GALNTL6: variants seen among roughly 807,000 people sequenced by gnomAD.
The protein encoded by GALNTL6 is polypeptide N-acetylgalactosaminyltransferase like 6, also known as polypeptide N-acetylgalactosaminyltransferase-like 6.
Under a neutral mutation model 73.7 loss-of-function variants are expected in GALNTL6, and 46 were observed. The ratio of observed to expected loss-of-function variants is 0.62; its 90% CI spans 0.49 to 0.80. The LOEUF is 0.80. GALNTL6 is among the 30% of genes least tolerant of loss of function. The pLI, the probability that GALNTL6 is intolerant of heterozygous loss-of-function variation, is 0.00. For synonymous variants in GALNTL6, 259 were observed against 263.7 expected, an observed-to-expected ratio of 0.98 and a Z score of 0.17; for missense variants, 604 against 755.0, an observed-to-expected ratio of 0.80 and a Z score of 2.34.
intron 5 of GALNTL6, among the ~76,000 whole-genome samples, chr4:172,712,062 AT>A (rs1418822523): frequency 2.6e-5 from 4 of 152,158 alleles, no homozygotes; most frequent in Non-Finnish European, 5.9e-5. Flanking sequence ...TTAACAATCA[AT>A]ATTTTTCCAT....
chr4:171,965,138 T>C (rs1258346682), intron 2 of GALNTL6, among the ~76,000 whole-genome samples: 1 of 152,246 alleles, frequency 6.6e-6, no homozygotes, highest in Non-Finnish European at 1.5e-5. Flanking sequence ...TTTTACTTTG[T>C]TGTATTTGTA....
chr4:172,080,242 A>T (rs879843146), intron 2 of GALNTL6, among the ~76,000 whole-genome samples: 6 of 152,166 alleles, frequency 3.9e-5, no homozygotes, highest in Non-Finnish European at 8.8e-5. Flanking sequence ...GTGTAGTGGC[A>T]AGATCATAAC....
At chr4:172,952,000 A>G (rs757557985) in intron 9 of GALNTL6, 37 bp from the exon 10 acceptor site, 30 of 1,473,420 alleles carry the variant, frequency 2.0e-5, no homozygotes, top group Non-Finnish European at 2.5e-5. Flanking sequence ...TGAATGAATA[A>G]ACCAATAAAT....
chr4:172,044,860 CCTT>C (rs1054339933), intron 2 of GALNTL6, among the ~76,000 whole-genome samples: 1 of 151,688 alleles, frequency 6.6e-6, no homozygotes, highest in African/African-American at 2.4e-5. Flanking sequence ...ATTACATAAG[CCTT>C]CTTCTTTTCT....
chr4:172,756,575 G>A (rs1737763703), intron 5 of GALNTL6, among the ~76,000 whole-genome samples: 1 of 151,888 alleles, frequency 6.6e-6, no homozygotes, highest in Non-Finnish European at 1.5e-5. Context: ...AACCCAGAAG[G>A]CCGAAGTTGC....
At chr4:171,951,055 A>G (rs995386729) in intron 2 of GALNTL6, among the ~76,000 whole-genome samples, 2 of 152,170 alleles carry the variant, frequency 1.3e-5, no homozygotes, top group African/African-American at 4.8e-5. Context: ...TAATAAATGT[A>G]CCAGGAATAA....
chr4:172,927,614 G>A (rs564576923), intron 8 of GALNTL6, among the ~76,000 whole-genome samples: 4 of 152,102 alleles, frequency 2.6e-5, no homozygotes, highest in Admixed American at 1.3e-4. Context: ...GCAAGGGGCT[G>A]GAATCACGTA....
intron 2 of GALNTL6, among the ~76,000 whole-genome samples, chr4:171,838,913 A>G (rs1260845748): frequency 6.6e-6 from 1 of 152,154 alleles, no homozygotes; most frequent in African/African-American, 2.4e-5. Flanking sequence ...GGAGCTGCAT[A>G]AGCACTCTAG....
chr4:172,167,953 GAGACTCCGTCT>G (rs1368876330), intron 2 of GALNTL6, among the ~76,000 whole-genome samples: 6 of 135,568 alleles, frequency 4.4e-5, no homozygotes, highest in South Asian at 2.3e-4. Flanking sequence ...GCAACAGAGC[GAGACTCCGTCT>G]CAAAAAAAAA....
At chr4:172,297,783 C>T (rs1439022903) in intron 3 of GALNTL6, among the ~76,000 whole-genome samples, 2 of 152,096 alleles carry the variant, frequency 1.3e-5, no homozygotes. Flanking sequence ...AGTCAGGTGG[C>T]ATGATGCCTC....
intron 2 of GALNTL6, among the ~76,000 whole-genome samples, chr4:172,226,100 A>G (rs904721884): frequency 4.6e-5 from 7 of 152,232 alleles, no homozygotes; most frequent in Admixed American, 2.0e-4. Flanking sequence ...TATGAAGACT[A>G]TGGTGGTAAC....
intron 2 of GALNTL6, among the ~76,000 whole-genome samples, chr4:171,873,104 CA>C: frequency 6.6e-6 from 1 of 152,228 alleles, no homozygotes. Context: ...TTACAGCAAA[CA>C]GAAAAATTTT....
At chr4:171,914,423 AT>A in intron 2 of GALNTL6, among the ~76,000 whole-genome samples, 1 of 145,380 alleles carries the variant, frequency 6.9e-6, no homozygotes, top group East Asian at 2.1e-4. Flanking sequence ...TAAAAGGAAA[AT>A]GTACTTTTTT....
intron 5 of GALNTL6, among the ~76,000 whole-genome samples, chr4:172,533,288 C>G (rs1290899748): frequency 7.0e-6 from 1 of 143,140 alleles, no homozygotes; most frequent in Non-Finnish European, 1.5e-5. Context: ...GCTGAGATTA[C>G]AGGCGTGAGC....
chr4:172,657,054 A>G (rs998776319), intron 5 of GALNTL6, among the ~76,000 whole-genome samples: 2 of 152,184 alleles, frequency 1.3e-5, no homozygotes, highest in Non-Finnish European at 2.9e-5. Flanking sequence ...AGGAGGAGAA[A>G]GAGGAGGCAA....
intron 5 of GALNTL6, among the ~76,000 whole-genome samples, chr4:172,708,207 T>C (rs1734478674): frequency 6.6e-6 from 1 of 152,132 alleles, no homozygotes. Context: ...CATGTTACCA[T>C]GCCCAGCTGA....
intron 2 of GALNTL6, among the ~76,000 whole-genome samples, chr4:172,004,951 T>A (rs1740790716): frequency 6.6e-6 from 1 of 152,056 alleles, no homozygotes; most frequent in Non-Finnish European, 1.5e-5. Context: ...GATAGATTAT[T>A]CACATTTTTA....
intron 3 of GALNTL6, chr4:172,266,220 G>C (rs1738446447): frequency 6.6e-6 from 1 of 152,282 alleles, no homozygotes; most frequent in Non-Finnish European, 1.5e-5. Context: ...AGTGAAAGGA[G>C]GGGGTTTACC....
At chr4:171,866,707 T>TGAA (rs1205149869) in intron 2 of GALNTL6, among the ~76,000 whole-genome samples, 1 of 152,192 alleles carries the variant, frequency 6.6e-6, no homozygotes, top group Non-Finnish European at 1.5e-5. Flanking sequence ...CGGGTTCTGT[T>TGAA]GAAGACACTC....
Sources: allele counts gnomAD v4.1 joint callset (sites outside exome capture counted in the v4.1 genomes callset), GRCh38; gene constraint gnomAD v4.1.1; transcripts MANE v1.5; gene names NCBI Gene and HGNC (gene_info 2026-07-23, HGNC 2026-07-21).